The following TBCK variants were observed in gnomAD, a reference collection of about 807,000 sequenced individuals.
TBCK encodes the protein TBC1 domain containing kinase, also known as TBC domain-containing protein kinase-like protein.
In TBCK, 99 loss-of-function variants were observed where a neutral mutation model predicts 113.4. The ratio of observed to expected loss-of-function variants is 0.87; its 90% CI spans 0.74 to 1.03. TBCK has a LOEUF of 1.03. TBCK is among the 50% of genes least tolerant of loss of function. TBCK has a pLI of 0.00. For synonymous variants in TBCK, 369 were observed against 370.8 expected, an observed-to-expected ratio of 1.00 and a Z score of 0.05; for missense variants, 1,045 against 1,061.3, an observed-to-expected ratio of 0.98 and a Z score of 0.21.
At position 106,308,761 on chromosome 4, in the gene TBCK, A is replaced by T; in HGVS notation, c.193+7T>A. 6.2e-7 allele frequency: 1 copy of T among 1,601,346 alleles called. No individual in the cohort carries two copies. ...ACATAAATAGGAAAAAAAAGAAAAT[A>T]ACTTACCATGCTTTCCCCTAGAAAT... On this transcript the variant is annotated splice_region_variant and intron_variant, in intron 2 of 25. Coordinates refer to ENST00000394708, the MANE Select transcript of TBCK (RefSeq NM_001163435.3).
intron 20 of TBCK, among the ~76,000 whole-genome samples, chr4:106,195,395 C>T (rs937975964): frequency 1.3e-4 from 20 of 151,668 alleles, no homozygotes; most frequent in African/African-American, 4.6e-4. Flanking sequence ...TTTTACTTTA[C>T]AGGTTTGTAC....
intron 25 of TBCK, among the ~76,000 whole-genome samples, chr4:106,079,862 G>A (rs1027663124): frequency 6.6e-6 from 1 of 152,156 alleles, no homozygotes; most frequent in African/African-American, 2.4e-5. Flanking sequence ...TGAGGAGGAA[G>A]CAGGCGCATC....
intron 23 of TBCK, among the ~76,000 whole-genome samples, chr4:106,167,135 G>T (rs188663302): frequency 0.079 from 11,559 of 145,916 alleles, 472 homozygotes; most frequent in Middle Eastern, 0.15. Flanking sequence ...TATATATAGA[G>T]AGAGAGAGAG....
chr4:106,293,781 G>T (rs1765974097), intron 3 of TBCK, among the ~76,000 whole-genome samples: 1 of 152,008 alleles, frequency 6.6e-6, no homozygotes, highest in African/African-American at 2.4e-5. Context: ...AGAATATTGT[G>T]GTAATGGAAA....
intron 24 of TBCK, among the ~76,000 whole-genome samples, chr4:106,108,255 T>C (rs1356096802): frequency 6.6e-6 from 1 of 151,982 alleles, no homozygotes; most frequent in Non-Finnish European, 1.5e-5. Context: ...TAACTCATTC[T>C]ATGAGGCCAG....
rs1334353104 is a variant in TBCK, at chr4:106,042,784, A to C, written c.*3786T>G. 1 of 152,168 alleles carries C rather than the reference A, an allele frequency of 6.6e-6. No homozygotes were observed. The highest frequency in any genetic ancestry group is 1.5e-5 in the Non-Finnish European group (1 of 68,032). 9.4% of individuals were successfully genotyped at this position (152,168 alleles called of 1,614,324 possible). A position where few individuals can be genotyped will look rare whatever the true frequency, so the allele number is the denominator to read the frequency against. On this transcript the variant is annotated 3_prime_UTR_variant, in exon 26 of 26. Coordinates refer to ENST00000394708, the MANE Select transcript of TBCK (RefSeq NM_001163435.3). ...TATATAATTCATTGTTTTCCTTTTA[A>C]AGTGCACTAAAGCCTGTTCTAAATC... is the stretch of plus-strand genomic sequence containing the variant.
At chr4:106,206,768 T>A (rs1043044660) in intron 20 of TBCK, among the ~76,000 whole-genome samples, 1 of 152,220 alleles carries the variant, frequency 6.6e-6, no homozygotes, top group Non-Finnish European at 1.5e-5. Context: ...TAAACTCGGC[T>A]GAATATACAT....
intron 1 of TBCK, among the ~76,000 whole-genome samples, chr4:106,313,745 C>T (rs1412723709): frequency 6.6e-6 from 1 of 152,200 alleles, no homozygotes; most frequent in Non-Finnish European, 1.5e-5. Context: ...TGGAAGCTTG[C>T]TTCTATGTGC....
intron 24 of TBCK, among the ~76,000 whole-genome samples, chr4:106,105,327 C>A (rs1742021199): frequency 6.6e-6 from 1 of 152,212 alleles, no homozygotes; most frequent in Admixed American, 6.5e-5. Flanking sequence ...TGGGGCGGAG[C>A]CCCCAGGAGT....
At chr4:106,057,408 T>C (rs1735560179) in intron 25 of TBCK, among the ~76,000 whole-genome samples, 1 of 151,800 alleles carries the variant, frequency 6.6e-6, no homozygotes, top group African/African-American at 2.4e-5. Context: ...CAAACGACTT[T>C]CCAAAATATA....
intron 19 of TBCK, among the ~76,000 whole-genome samples, chr4:106,223,749 C>T (rs1418903018): frequency 6.6e-6 from 1 of 152,108 alleles, no homozygotes; most frequent in Admixed American, 6.5e-5. Flanking sequence ...GTTTCATTGG[C>T]CAAATATAGT....
At position 106,308,748 on chromosome 4, in the gene TBCK, A is replaced by G; in HGVS notation, c.193+20T>C. ...AACAAAGTAGAGAACATAAATAGGA[A>G]AAAAAAGAAAATAACTTACCATGCT... On this transcript the variant is annotated intron_variant, in intron 2 of 25. Coordinates refer to ENST00000394708, the MANE Select transcript of TBCK (RefSeq NM_001163435.3). 6.3e-7 allele frequency: 1 copy of G among 1,596,092 alleles called. No individual in the cohort carries two copies. The highest frequency in any genetic ancestry group is 8.5e-7 in the Non-Finnish European group (1 of 1,173,706).
intron 25 of TBCK, among the ~76,000 whole-genome samples, chr4:106,060,929 T>A (rs1735964568): frequency 6.6e-6 from 1 of 151,632 alleles, no homozygotes; most frequent in Admixed American, 6.6e-5. Flanking sequence ...AAAGTGCAGA[T>A]ATGGTGGAAA....
chr4:106,232,342 A>G (rs530236838), intron 17 of TBCK, among the ~76,000 whole-genome samples: 1 of 152,036 alleles, frequency 6.6e-6, no homozygotes, highest in African/African-American at 2.4e-5. Context: ...GCTAAGAAAA[A>G]TAACAGCTTT....
intron 25 of TBCK, among the ~76,000 whole-genome samples, chr4:106,051,908 T>C (rs1399286769): frequency 6.6e-6 from 1 of 151,886 alleles, no homozygotes; most frequent in East Asian, 1.9e-4. Context: ...ATAAGAGCTG[T>C]GGCAAGGATT....
intron 23 of TBCK, among the ~76,000 whole-genome samples, chr4:106,123,556 C>T (rs1744737003): frequency 6.6e-6 from 1 of 152,190 alleles, no homozygotes; most frequent in African/African-American, 2.4e-5. Flanking sequence ...AAAGAGCCCA[C>T]ATCGCCAAGG....
Position 106,092,050 on chromosome 4 carries a change from G to A in TBCK, c.2571+3432C>T, listed in dbSNP as rs540070984. 3.9e-5 allele frequency among the ~76,000 whole-genome samples: 6 copies of A among 152,246 alleles called. No homozygotes were observed. The South Asian group carries it at 1.2e-3, about 32-fold the overall frequency. ...TTACAAACCCTGAGCTAGACACAGA[G>A]TGCTGACTGGTGCATTTACAAACCT... On this transcript the variant is annotated intron_variant, in intron 25 of 25. Coordinates refer to ENST00000394708, the MANE Select transcript of TBCK (RefSeq NM_001163435.3).
chr4:106,245,457 A>G (rs375643144), intron 10 of TBCK, among the ~76,000 whole-genome samples: 1 of 152,150 alleles, frequency 6.6e-6, no homozygotes, highest in South Asian at 2.1e-4. Context: ...GTGGTGGTTA[A>G]GGTATGGGGA....
At chr4:106,186,759 G>A (rs1753069453) in intron 22 of TBCK, among the ~76,000 whole-genome samples, 1 of 152,034 alleles carries the variant, frequency 6.6e-6, no homozygotes, top group Non-Finnish European at 1.5e-5. Flanking sequence ...GTCAATTTTT[G>A]TTTCTGTTGC....
Sources: allele counts gnomAD v4.1 joint callset (sites outside exome capture counted in the v4.1 genomes callset), GRCh38; gene constraint gnomAD v4.1.1; transcripts MANE v1.5; gene names NCBI Gene and HGNC (gene_info 2026-07-23, HGNC 2026-07-21).